Variants in MNAT1 observed in about 807,000 individuals in gnomAD.
The protein encoded by MNAT1 is CDK-activating kinase assembly factor MAT1.
In MNAT1, 43 loss-of-function variants were observed where a neutral mutation model predicts 42.0. That is an observed-to-expected ratio of 1.02 (90% CI 0.80 to 1.32). MNAT1 has a LOEUF of 1.32. Among genes scored for constraint, MNAT1 ranks in the 40% most tolerant of loss-of-function variants. The probability of loss-of-function intolerance (pLI) is 0.00; values close to 1 mark genes in which losing one functional copy is unlikely to be tolerated. For synonymous variants in MNAT1, 118 were observed against 120.0 expected (o/e 0.98, Z 0.11); for missense variants, 306 against 350.4 (o/e 0.87, Z 1.01).
intron 2 of MNAT1, among the ~76,000 whole-genome samples, chr14:60,796,664 C>G (rs1227883628): frequency 6.6e-6 from 1 of 152,086 alleles, no homozygotes; most frequent in African/African-American, 2.4e-5. Flanking sequence ...ACATGTTATG[C>G]ATGTTAAGCA....
intron 7 of MNAT1, among the ~76,000 whole-genome samples, chr14:60,941,813 G>C (rs2036167499): frequency 6.6e-6 from 1 of 151,268 alleles, no homozygotes; most frequent in African/African-American, 2.4e-5. Flanking sequence ...GACCATCGCA[G>C]CTAACATGGT....
At chr14:60,881,045 T>G (rs2034540247) in intron 7 of MNAT1, among the ~76,000 whole-genome samples, 1 of 152,230 alleles carries the variant, frequency 6.6e-6, no homozygotes, top group Non-Finnish European at 1.5e-5. Context: ...TCTTTACTTT[T>G]AATGTCCGTG....
chr14:60,885,191 A>G (rs946661255), intron 7 of MNAT1, among the ~76,000 whole-genome samples: 2 of 151,722 alleles, frequency 1.3e-5, no homozygotes, highest in Admixed American at 6.6e-5. Context: ...GGTGTTCTGT[A>G]ACCTTCTTGT....
chr14:60,760,306 T>A (rs930322873), intron 1 of MNAT1, among the ~76,000 whole-genome samples: 2 of 152,124 alleles, frequency 1.3e-5, no homozygotes, highest in East Asian at 3.8e-4. Context: ...TTTAGAAATA[T>A]GAAATTTTGA....
intron 1 of MNAT1, among the ~76,000 whole-genome samples, chr14:60,788,097 A>G (rs961040999): frequency 1.3e-5 from 2 of 152,158 alleles, no homozygotes; most frequent in African/African-American, 4.8e-5. Flanking sequence ...TATGACATGT[A>G]TTACTTAAAT....
At chr14:60,797,937 A>G in intron 2 of MNAT1, 150 bp from the exon 3 acceptor site, 1 of 447,900 alleles carries the variant, frequency 2.2e-6, no homozygotes, top group Non-Finnish European at 4.1e-6. Context: ...CTCAAAAAAT[A>G]AAAATAAAAA....
chr14:60,902,836 T>G (rs1173666657), intron 7 of MNAT1, among the ~76,000 whole-genome samples: 1 of 152,016 alleles, frequency 6.6e-6, no homozygotes, highest in Non-Finnish European at 1.5e-5. Context: ...CTGTTATATA[T>G]GAAAACTATT....
chr14:60,789,438 A>C (rs1377189958), intron 1 of MNAT1, among the ~76,000 whole-genome samples: 3 of 152,180 alleles, frequency 2.0e-5, no homozygotes, highest in Non-Finnish European at 1.5e-5. Flanking sequence ...TGTTGGAAAA[A>C]TGGTGCCGAT....
At chr14:60,930,933 A>G (rs2035870184) in intron 7 of MNAT1, among the ~76,000 whole-genome samples, 1 of 152,218 alleles carries the variant, frequency 6.6e-6, no homozygotes, top group East Asian at 1.9e-4. Context: ...GCTCTGAACC[A>G]TACACTCTTA....
chr14:60,745,255 A>C (rs190732430), intron 1 of MNAT1, among the ~76,000 whole-genome samples: 1 of 152,296 alleles, frequency 6.6e-6, no homozygotes, highest in East Asian at 1.9e-4. Context: ...TAATGCCTGT[A>C]AACAGTTGTA....
intron 1 of MNAT1, among the ~76,000 whole-genome samples, chr14:60,781,799 A>G (rs759366506): frequency 1.3e-5 from 2 of 151,988 alleles, no homozygotes; most frequent in Non-Finnish European, 2.9e-5. Flanking sequence ...ATAGGGATCT[A>G]GTTTTTTTCT....
intron 7 of MNAT1, among the ~76,000 whole-genome samples, chr14:60,906,671 A>G (rs1258068147): frequency 6.6e-6 from 1 of 152,216 alleles, no homozygotes; most frequent in Non-Finnish European, 1.5e-5. Flanking sequence ...GCTGCAAGCA[A>G]TAAGGGGTTG....
At chr14:60,922,308 T>C (rs186350957) in intron 7 of MNAT1, among the ~76,000 whole-genome samples, 82 of 152,218 alleles carry the variant, frequency 5.4e-4, no homozygotes, top group Middle Eastern at 3.4e-3. Flanking sequence ...AAAGGAGAAA[T>C]GGTTTCCTGC....
At chr14:60,755,072 T>C (rs1186306837) in intron 1 of MNAT1, among the ~76,000 whole-genome samples, 1 of 152,078 alleles carries the variant, frequency 6.6e-6, no homozygotes, top group Non-Finnish European at 1.5e-5. Context: ...TGATCACGGC[T>C]CACTGTAACT....
intron 1 of MNAT1, among the ~76,000 whole-genome samples, chr14:60,771,570 A>G (rs1353658854): frequency 6.6e-6 from 1 of 152,224 alleles, no homozygotes; most frequent in East Asian, 1.9e-4. Context: ...CATTTCATGC[A>G]GAGTAGAAGC....
At chr14:60,901,339 C>G (rs1349697003) in intron 7 of MNAT1, among the ~76,000 whole-genome samples, 1 of 152,198 alleles carries the variant, frequency 6.6e-6, no homozygotes, top group African/African-American at 2.4e-5. Flanking sequence ...GACATTACAT[C>G]TGGTCACCTA....
At position 60,968,574 on chromosome 14, in the gene MNAT1, A is replaced by C. The variant is rs768731626; in HGVS notation, c.*225A>C. 7.9e-7 allele frequency: 1 copy of C among 1,265,968 alleles called. No individual in the cohort carries two copies. The highest frequency in any genetic ancestry group is 1.1e-6 in the Non-Finnish European group (1 of 942,970). The allele number at this position is 1,265,968 out of a possible 1,614,324, so 78.4% of individuals were successfully genotyped here. The stretch of plus-strand genomic sequence containing the variant: ...TATTTTTCAGAGGATTTGACACGAT[A>C]AGCCTCATCTGATGGAAGAGAGGAA... On this transcript the variant is annotated 3_prime_UTR_variant, in exon 8 of 8. Coordinates refer to ENST00000261245, the MANE Select transcript of MNAT1 (RefSeq NM_002431.4).
At chr14:60,846,745 G>A (rs746463101) in intron 6 of MNAT1, among the ~76,000 whole-genome samples, 11 of 152,060 alleles carry the variant, frequency 7.2e-5, no homozygotes, top group East Asian at 1.9e-4. Context: ...AAAATTTACC[G>A]TTACTTATGT....
chr14:60,915,275 A>G (rs762546998), intron 7 of MNAT1, among the ~76,000 whole-genome samples: 4 of 152,216 alleles, frequency 2.6e-5, no homozygotes, highest in Non-Finnish European at 4.4e-5. Flanking sequence ...ATGAAGATTT[A>G]GCCATCTAAA....
Sources: allele counts gnomAD v4.1 joint callset (sites outside exome capture counted in the v4.1 genomes callset), GRCh38; gene constraint gnomAD v4.1.1; transcripts MANE v1.5; gene names NCBI Gene and HGNC (gene_info 2026-07-23, HGNC 2026-07-21).